SH3BP4: variants seen among roughly 807,000 people sequenced by gnomAD.
The protein encoded by SH3BP4 is SH3 domain-binding protein 4.
SH3BP4 carries 33 observed loss-of-function variants against 65.5 expected under a neutral mutation model. The ratio of observed to expected loss-of-function variants is 0.50; its 90% CI spans 0.38 to 0.67. The LOEUF (loss-of-function observed/expected upper bound fraction) is 0.67. Ranked by LOEUF, SH3BP4 falls within the 30% of genes least tolerant of loss-of-function variation. The pLI is 0.00. For missense variants in SH3BP4, 1,134 were observed against 1,261.4 expected, an observed-to-expected ratio of 0.90 and a Z score of 1.53; for synonymous variants, 552 against 545.5, an observed-to-expected ratio of 1.01 and a Z score of -0.17.
chr2:234,987,578 G>T (rs776702568), intron 1 of SH3BP4, among the ~76,000 whole-genome samples: 1 of 152,140 alleles, frequency 6.6e-6, no homozygotes. Flanking sequence ...CAACATGGGC[G>T]GCTCATGGTG....
chr2:234,995,038 A>C (rs566972597), intron 1 of SH3BP4: 1 of 152,446 alleles, frequency 6.6e-6, no homozygotes, highest in African/African-American at 2.4e-5. Flanking sequence ...AAGGGGGCTG[A>C]TGTGGCCTCA....
chr2:235,049,899 T>C (rs1279817244), intron 4 of SH3BP4, among the ~76,000 whole-genome samples: 1 of 151,856 alleles, frequency 6.6e-6, no homozygotes, highest in Non-Finnish European at 1.5e-5. Context: ...CCTGTGCTTA[T>C]CTGTAGAACA....
At position 235,037,143 on chromosome 2, in the gene SH3BP4, A is replaced by C. The variant is rs1013642194; in HGVS notation, c.118+2023A>C. ...AGGAAATGTATTATTCAGTACATTGAACTTCCTAACACCCAGGGAGATTTT... is the reference window on the plus strand; with the variant it reads ...AGGAAATGTATTATTCAGTACATTGCACTTCCTAACACCCAGGGAGATTTT... On this transcript the variant is annotated intron_variant, in intron 3 of 5. Coordinates refer to ENST00000392011, the MANE Select transcript of SH3BP4 (RefSeq NM_014521.3). Among the ~76,000 whole-genome samples, 16 of 152,324 alleles carry C rather than the reference A, an allele frequency of 1.1e-4. No homozygotes were observed. In the East Asian group the frequency reaches 3.1e-3, roughly 29 times the overall value.
rs1553569222 is a variant in SH3BP4, at chr2:235,046,750, G to GA, written c.2478+3504dup. ...ATGAATGATGGATGAATGAATGAAT[G>GA]ATGAATGAATGAATGAATGAATGCA... On this transcript the variant is annotated intron_variant, in intron 4 of 5. Transcript: ENST00000392011. The surrounding 1 kb of genome is among the most constrained non-coding windows in gnomAD (Gnocchi z 4.2). Among the ~76,000 whole-genome samples, 2 of 151,456 alleles carry GA rather than the reference G, an allele frequency of 1.3e-5. No homozygotes were observed. The highest frequency in any genetic ancestry group is 2.1e-4 in the South Asian group (1 of 4,804).
At chr2:234,953,329 T>G (rs889673938) in intron 1 of SH3BP4, 4 of 152,210 alleles carry the variant, frequency 2.6e-5, no homozygotes, top group African/African-American at 9.6e-5. Flanking sequence ...AACATTAAGT[T>G]AGAACTGGAG....
chr2:235,006,882 A>T (rs1694312852), intron 2 of SH3BP4, among the ~76,000 whole-genome samples: 1 of 152,026 alleles, frequency 6.6e-6, no homozygotes, highest in Non-Finnish European at 1.5e-5. Flanking sequence ...TGGCTGATGC[A>T]CCTGGTGTTT....
At chr2:235,012,149 G>C (rs1694530155) in intron 2 of SH3BP4, among the ~76,000 whole-genome samples, 1 of 152,214 alleles carries the variant, frequency 6.6e-6, no homozygotes, top group African/African-American at 2.4e-5. Flanking sequence ...ACGGGGCGCT[G>C]ACAGTGGCTC....
chr2:234,965,292 T>TC (rs1692809535), intron 1 of SH3BP4, among the ~76,000 whole-genome samples: 1 of 152,162 alleles, frequency 6.6e-6, no homozygotes, highest in Non-Finnish European at 1.5e-5. Flanking sequence ...CCTCGGCAGT[T>TC]CCCCCTCAGG....
intron 1 of SH3BP4, among the ~76,000 whole-genome samples, chr2:234,992,680 C>T (rs1158543400): frequency 2.0e-5 from 3 of 148,526 alleles, no homozygotes; most frequent in Admixed American, 6.7e-5. Context: ...GTCTGGAGAC[C>T]CTGGAGATGG....
In SH3BP4 at chr2:235,052,094, G is replaced by A. The variant is rs1021280620; in HGVS notation, c.2479-468G>A. Among the ~76,000 whole-genome samples the A allele has an allele frequency of 1.3e-5, 2 of 152,150 alleles. No individual in the cohort carries two copies. The highest frequency in any genetic ancestry group is 2.4e-5 in the African/African-American group (1 of 41,436). Reference sequence around the variant, plus strand: ...GTGGGGGAGAAGGGGTTGCAGGCCTGCCTCTCCTAAGCCCCACTGGCTCAA... The same window carrying A: ...GTGGGGGAGAAGGGGTTGCAGGCCTACCTCTCCTAAGCCCCACTGGCTCAA... On this transcript the variant is annotated intron_variant, in intron 4 of 5. Coordinates refer to ENST00000392011, the MANE Select transcript of SH3BP4 (RefSeq NM_014521.3). The surrounding 1 kb of genome is among the most constrained non-coding windows in gnomAD (Gnocchi z 5.0).
At chr2:234,996,207 G>C (rs182272801) in intron 2 of SH3BP4, among the ~76,000 whole-genome samples, 11 of 152,328 alleles carry the variant, frequency 7.2e-5, no homozygotes, top group Middle Eastern at 3.4e-3. Context: ...AAGGCCAAAG[G>C]GGGAGTTGAG....
At chr2:235,029,676 T>G (rs1254388457) in intron 2 of SH3BP4, among the ~76,000 whole-genome samples, 2 of 152,262 alleles carry the variant, frequency 1.3e-5, no homozygotes, top group African/African-American at 4.8e-5. Flanking sequence ...TTAGGAAAGA[T>G]AGCATAATGA....
chr2:235,036,238 G>A (rs547689519), intron 3 of SH3BP4, among the ~76,000 whole-genome samples: 2 of 152,318 alleles, frequency 1.3e-5, no homozygotes, highest in South Asian at 2.1e-4. Flanking sequence ...TAAAAGAAAC[G>A]TCTAGCCCGT....
intron 2 of SH3BP4, among the ~76,000 whole-genome samples, chr2:235,001,863 G>GTTTTTTA: frequency 6.6e-6 from 1 of 152,092 alleles, no homozygotes; most frequent in African/African-American, 2.4e-5. Context: ...TTTGTTTTTT[G>GTTTTTTA]TTTTTTATTT....
At chr2:234,970,818 C>T (rs190954757) in intron 1 of SH3BP4, among the ~76,000 whole-genome samples, 1 of 151,524 alleles carries the variant, frequency 6.6e-6, no homozygotes, top group African/African-American at 2.4e-5. Flanking sequence ...CTTTTTGCCT[C>T]GTAAAAGCAA....
intron 1 of SH3BP4, among the ~76,000 whole-genome samples, chr2:234,985,833 A>T (rs115294315): frequency 1.3e-5 from 2 of 148,528 alleles, no homozygotes; most frequent in Admixed American, 6.7e-5. Flanking sequence ...AAGGAGCATG[A>T]TGCAGGTGAA....
chr2:235,013,214 C>T (rs959305764), intron 2 of SH3BP4, among the ~76,000 whole-genome samples: 2 of 152,216 alleles, frequency 1.3e-5, no homozygotes, highest in African/African-American at 4.8e-5. Flanking sequence ...GGTCTTCAGG[C>T]CTCCGCTGTC....
chr2:235,040,336 G>A (rs958604131), intron 3 of SH3BP4, among the ~76,000 whole-genome samples: 2 of 152,090 alleles, frequency 1.3e-5, no homozygotes, highest in African/African-American at 4.8e-5. Flanking sequence ...GTGAGGAACA[G>A]GTTGAGTTTG....
At chr2:234,964,101 C>T (rs1244654066) in intron 1 of SH3BP4, among the ~76,000 whole-genome samples, 1 of 152,186 alleles carries the variant, frequency 6.6e-6, no homozygotes, top group African/African-American at 2.4e-5. Context: ...TGTGAGTCAT[C>T]CACCTATAGG....
Sources: allele counts gnomAD v4.1 joint callset (sites outside exome capture counted in the v4.1 genomes callset), GRCh38; gene constraint gnomAD v4.1.1; non-coding constraint Gnocchi (gnomAD v3.1); transcripts MANE v1.5; gene names NCBI Gene and HGNC (gene_info 2026-07-23, HGNC 2026-07-21).